MAML3: variants seen among roughly 807,000 people sequenced by gnomAD.
MAML3 encodes mastermind-like protein 3.
MAML3 carries 27 observed loss-of-function variants against 101.9 expected under a neutral mutation model. That is an observed-to-expected ratio of 0.27 (90% CI 0.20 to 0.37). The LOEUF (loss-of-function observed/expected upper bound fraction) is 0.37. MAML3 is among the 10% of genes least tolerant of loss of function. The pLI is 1.00. For missense variants in MAML3, 1,316 were observed against 1,444.9 expected, an observed-to-expected ratio of 0.91 and a Z score of 1.45; for synonymous variants, 501 against 555.9, an observed-to-expected ratio of 0.90 and a Z score of 1.39.
rs570611399 is a variant in MAML3 at position 140,096,461 on chromosome 4, A to G, written c.468+56399T>C. 5.6e-3 allele frequency among the ~76,000 whole-genome samples: 857 copies of G among 152,304 alleles called. 7 individuals carry two copies. Among genetic ancestry groups the G allele is most frequent in the African/African-American group, 0.02 (823 of 41,582 alleles). On this transcript the variant is annotated intron_variant, in intron 1 of 4. Coordinates refer to ENST00000509479, the MANE Select transcript of MAML3 (RefSeq NM_018717.5). The stretch of plus-strand genomic sequence containing the variant: ...TATCCGAAAGTTCACATGCTTGTCC[A>G]CACACAAGTTAAAGAGGTAACTTGT...
chr4:139,832,093 C>CTTTTTTTTTTTTTTTT (rs1337533072), intron 2 of MAML3, among the ~76,000 whole-genome samples: 3 of 98,406 alleles, frequency 3.0e-5, no homozygotes, highest in Non-Finnish European at 4.5e-5. Flanking sequence ...ATGCCCAGCC[C>CTTTTTTTTTTTTTTTT]CTTTTTTTTT....
chr4:139,758,564 A>T (rs1729697620), intron 2 of MAML3, among the ~76,000 whole-genome samples: 1 of 152,190 alleles, frequency 6.6e-6, no homozygotes, highest in Non-Finnish European at 1.5e-5. Context: ...TTTTAGGGCC[A>T]AGCTCTTGAC....
At chr4:139,863,758 C>T (rs1244053579) in intron 2 of MAML3, among the ~76,000 whole-genome samples, 3 of 149,054 alleles carry the variant, frequency 2.0e-5, no homozygotes, top group Non-Finnish European at 3.0e-5. Flanking sequence ...TAACAAGTTA[C>T]AATTAGTGTG....
rs1439302312 is a variant in MAML3 at position 139,905,508 on chromosome 4, ATC to A, written c.469-14543_469-14542del. Among the ~76,000 whole-genome samples, 42 of 150,622 alleles carry A rather than the reference ATC, an allele frequency of 2.8e-4. 1 individual carries two copies. In the East Asian group the frequency reaches 5.7e-3, roughly 20 times the overall value. Reference sequence around the variant, plus strand: ...CTCTGTCTCAAAAAAAAAAAAAAAAATCAGTTAAATCAGTTATAGCTGGTTAC... The same window carrying A: ...CTCTGTCTCAAAAAAAAAAAAAAAAAAGTTAAATCAGTTATAGCTGGTTAC... On this transcript the variant is annotated intron_variant, in intron 1 of 4. Coordinates refer to ENST00000509479, the MANE Select transcript of MAML3 (RefSeq NM_018717.5).
chr4:140,085,775 C>T (rs1185568933), intron 1 of MAML3, among the ~76,000 whole-genome samples: 2 of 152,176 alleles, frequency 1.3e-5, no homozygotes, highest in Non-Finnish European at 2.9e-5. Flanking sequence ...GAATAAGACA[C>T]CCAAAATCCT....
intron 2 of MAML3, among the ~76,000 whole-genome samples, chr4:139,774,523 T>C (rs1018210499): frequency 1.3e-5 from 2 of 152,234 alleles, no homozygotes; most frequent in Non-Finnish European, 2.9e-5. Flanking sequence ...CTAAGAGTAG[T>C]AGCATTTTAG....
At chr4:139,825,835 C>T (rs930325151) in intron 2 of MAML3, among the ~76,000 whole-genome samples, 2 of 151,488 alleles carry the variant, frequency 1.3e-5, no homozygotes, top group African/African-American at 4.9e-5. Context: ...CAAGCACTGG[C>T]AATGAGGAAC....
At chr4:139,849,371 G>A (rs369540567) in intron 2 of MAML3, among the ~76,000 whole-genome samples, 7 of 152,288 alleles carry the variant, frequency 4.6e-5, no homozygotes, top group African/African-American at 1.7e-4. Context: ...TGGTCCCTAG[G>A]AACTTCCTGT....
At chr4:139,863,832 GTTTTTTTTT>G (rs58270046) in intron 2 of MAML3, among the ~76,000 whole-genome samples, 45,368 of 112,208 alleles carry the variant, frequency 0.4, 7,975 homozygotes, top group Non-Finnish European at 0.48. Context: ...CAGAACATGG[GTTTTTTTTT>G]TTTTTTTTTT....
chr4:139,784,988 G>A (rs563780742), intron 2 of MAML3, among the ~76,000 whole-genome samples: 1 of 152,304 alleles, frequency 6.6e-6, no homozygotes, highest in East Asian at 1.9e-4. Context: ...ATGGTACTAT[G>A]TACATACCTT....
chr4:139,881,657 T>G (rs1732223303), intron 2 of MAML3, among the ~76,000 whole-genome samples: 1 of 152,182 alleles, frequency 6.6e-6, no homozygotes, highest in South Asian at 2.1e-4. Flanking sequence ...TGAAAAAATA[T>G]GCTTAGGAGA....
intron 1 of MAML3, among the ~76,000 whole-genome samples, chr4:139,969,271 G>A (rs192994263): frequency 7.7e-4 from 117 of 151,556 alleles, no homozygotes; most frequent in African/African-American, 2.5e-3. Flanking sequence ...CATCCCCGCC[G>A]TGGGATAGGT....
At chr4:140,003,423 G>C (rs1176216670) in intron 1 of MAML3, among the ~76,000 whole-genome samples, 1 of 152,104 alleles carries the variant, frequency 6.6e-6, no homozygotes, top group Non-Finnish European at 1.5e-5. Flanking sequence ...ATAGTATTGG[G>C]GGGTAATAGG....
chr4:139,912,642 T>C (rs1472169931), intron 1 of MAML3, among the ~76,000 whole-genome samples: 1 of 152,050 alleles, frequency 6.6e-6, no homozygotes. Context: ...GGTATCATCT[T>C]ATAAGACGAC....
At chr4:140,066,347 T>C (rs905842892) in intron 1 of MAML3, among the ~76,000 whole-genome samples, 9 of 152,202 alleles carry the variant, frequency 5.9e-5, no homozygotes, top group South Asian at 4.1e-4. Context: ...TAGTGCCTTA[T>C]TGCATAGAAG....
chr4:139,804,269 ATT>A (rs57217528), intron 2 of MAML3, among the ~76,000 whole-genome samples: 1 of 146,804 alleles, frequency 6.8e-6, no homozygotes, highest in African/African-American at 2.5e-5. Flanking sequence ...CTCACTAAGG[ATT>A]TTTTTTTTTT....
At chr4:139,814,334 A>T (rs550021545) in intron 2 of MAML3, among the ~76,000 whole-genome samples, 2 of 152,232 alleles carry the variant, frequency 1.3e-5, no homozygotes, top group Non-Finnish European at 2.9e-5. Flanking sequence ...TATAAGGCTT[A>T]TGCCTTACAG....
intron 2 of MAML3, among the ~76,000 whole-genome samples, chr4:139,803,348 C>G (rs1406375979): frequency 6.6e-6 from 1 of 152,134 alleles, no homozygotes; most frequent in East Asian, 1.9e-4. Context: ...TTATCATAAA[C>G]CTTCAAATGT....
At chr4:139,941,685 G>T (rs1224668414) in intron 1 of MAML3, among the ~76,000 whole-genome samples, 1 of 152,176 alleles carries the variant, frequency 6.6e-6, no homozygotes, top group African/African-American at 2.4e-5. Flanking sequence ...TTGAGTACAT[G>T]TGTGTGTTTA....
Sources: gnomAD v4.1 joint callset for allele counts (sites outside exome capture counted in the v4.1 genomes callset) on GRCh38, gnomAD v4.1.1 for gene constraint, MANE v1.5 for transcripts, NCBI Gene and HGNC (gene_info 2026-07-23, HGNC 2026-07-21) for gene names.